Variants in MACROD2 observed in about 807,000 individuals in gnomAD.
MACROD2 encodes the protein ADP-ribose glycohydrolase MACROD2.
Under a neutral mutation model 70.4 loss-of-function variants are expected in MACROD2, and 36 were observed. The observed-to-expected ratio is 0.51, with a 90% CI of 0.39 to 0.68. The LOEUF is 0.68. Among genes scored for constraint, MACROD2 ranks in the 30% least tolerant of loss-of-function variants. The probability of loss-of-function intolerance (pLI) is 0.00; values close to 1 mark genes in which losing one functional copy is unlikely to be tolerated. For synonymous variants in MACROD2, 172 were observed against 178.8 expected, an observed-to-expected ratio of 0.96 and a Z score of 0.30; for missense variants, 496 against 538.4, an observed-to-expected ratio of 0.92 and a Z score of 0.78.
chr20:14,935,489 A>T (rs539324073), intron 5 of MACROD2: 1 of 152,284 alleles, frequency 6.6e-6, no homozygotes, highest in African/African-American at 2.4e-5. Flanking sequence ...ACCCTAATGT[A>T]GCCAGTGAAA....
chr20:14,362,804 G>C (rs2083234932), intron 3 of MACROD2, among the ~76,000 whole-genome samples: 1 of 152,168 alleles, frequency 6.6e-6, no homozygotes, highest in African/African-American at 2.4e-5. Context: ...ATATGTAAAT[G>C]TATACAGGGT....
intron 7 of MACROD2, among the ~76,000 whole-genome samples, chr20:15,475,964 CA>C (rs2047017070): frequency 6.6e-6 from 1 of 151,938 alleles, no homozygotes; most frequent in Non-Finnish European, 1.5e-5. Context: ...AAATATATTG[CA>C]AAAAAAGGAA....
intron 6 of MACROD2, among the ~76,000 whole-genome samples, chr20:15,417,326 C>T (rs2046166819): frequency 6.7e-6 from 1 of 149,842 alleles, no homozygotes; most frequent in Non-Finnish European, 1.5e-5. Context: ...TATGGGGGTT[C>T]ACGCTTGTAA....
intron 5 of MACROD2, among the ~76,000 whole-genome samples, chr20:15,031,798 C>T (rs1336334813): frequency 6.6e-6 from 1 of 152,108 alleles, no homozygotes; most frequent in Non-Finnish European, 1.5e-5. Flanking sequence ...GCCATGGACT[C>T]CACCCAGAAA....
chr20:14,396,506 T>C (rs111827239), intron 3 of MACROD2, among the ~76,000 whole-genome samples: 4 of 152,338 alleles, frequency 2.6e-5, no homozygotes, highest in African/African-American at 9.6e-5. Context: ...TCTACTTTTA[T>C]AGCCGTTCCG....
At chr20:14,031,740 C>G (rs550135317) in intron 2 of MACROD2, among the ~76,000 whole-genome samples, 1 of 152,084 alleles carries the variant, frequency 6.6e-6, no homozygotes, top group African/African-American at 2.4e-5. Context: ...GATAGCTTCT[C>G]CTTCCCTAAA....
Position 15,617,173 on chromosome 20 carries a change from C to T in MACROD2, c.645+117326C>T, listed in dbSNP as rs1005621692. On this transcript the variant is annotated intron_variant, in intron 8 of 17. Transcript: ENST00000684519. ...CTCTTTTTCCCTGTAGTTTTTCTCC[C>T]ATGTTTATCTATTGTTTCCTACGAA... 5.9e-5 allele frequency among the ~76,000 whole-genome samples: 9 copies of T among 151,966 alleles called. No homozygotes were observed. In the East Asian group the frequency reaches 9.6e-4, roughly 16 times the overall value.
At chr20:14,492,108 T>G (rs901257217) in intron 3 of MACROD2, among the ~76,000 whole-genome samples, 1 of 152,228 alleles carries the variant, frequency 6.6e-6, no homozygotes, top group African/African-American at 2.4e-5. Context: ...GCTACAAAGC[T>G]GGATTCAGGG....
chr20:14,393,262 A>T (rs528358864), intron 3 of MACROD2, among the ~76,000 whole-genome samples: 1 of 152,142 alleles, frequency 6.6e-6, no homozygotes, highest in Non-Finnish European at 1.5e-5. Context: ...AAGAATATTG[A>T]TATGGAGTCT....
chr20:14,941,252 T>C (rs2074386927), intron 5 of MACROD2, among the ~76,000 whole-genome samples: 2 of 152,248 alleles, frequency 1.3e-5, no homozygotes, highest in Admixed American at 1.3e-4. Flanking sequence ...ATTTTATTTA[T>C]TGGGTCTTCT....
chr20:15,936,498 A>G (rs1402140435), intron 11 of MACROD2, among the ~76,000 whole-genome samples: 2 of 148,332 alleles, frequency 1.3e-5, no homozygotes, highest in Non-Finnish European at 1.5e-5. Flanking sequence ...CATATGAACT[A>G]TATATATACT....
At chr20:14,490,259 A>G (rs1203103242) in intron 3 of MACROD2, among the ~76,000 whole-genome samples, 1 of 152,124 alleles carries the variant, frequency 6.6e-6, no homozygotes, top group Non-Finnish European at 1.5e-5. Context: ...AAATGTAACC[A>G]CTTGTTTAGG....
chr20:15,206,873 A>G (rs572444087), intron 5 of MACROD2, among the ~76,000 whole-genome samples: 16 of 151,082 alleles, frequency 1.1e-4, no homozygotes, highest in Non-Finnish European at 1.9e-4. Flanking sequence ...AGTAGCTGGG[A>G]CTACAGGCGC....
intron 7 of MACROD2, among the ~76,000 whole-genome samples, chr20:15,441,370 A>G (rs776007543): frequency 6.4e-4 from 98 of 152,300 alleles, no homozygotes; most frequent in Non-Finnish European, 1.2e-3. Context: ...TTCAGTGTAC[A>G]TAAAAATGGC....
intron 10 of MACROD2, among the ~76,000 whole-genome samples, chr20:15,932,296 G>C (rs2065592505): frequency 6.6e-6 from 1 of 152,092 alleles, no homozygotes; most frequent in African/African-American, 2.4e-5. Flanking sequence ...GGAGAAAGTA[G>C]AGGCTGCCAG....
intron 6 of MACROD2, among the ~76,000 whole-genome samples, chr20:15,230,513 T>C (rs175285): frequency 0.28 from 42,547 of 152,034 alleles, 6,161 homozygotes; most frequent in African/African-American, 0.33. Context: ...CTCATGCTAG[T>C]GTCAGACATG....
rs1314414395 is a variant in MACROD2, at chr20:15,933,334, T to A, written c.834T>A (p.Asp278Glu). The change falls in exon 11 of 18, where the codon GAT (aspartate) becomes GAA (glutamate). Residue 278 changes from aspartate (D) to glutamate (E), a missense_variant. Coordinates refer to ENST00000684519, the MANE Select transcript of MACROD2 (RefSeq NM_001351661.2). Reference sequence around the variant, plus strand: ...AAGAAATGGAAGAGCAGAGCCAAGATGCAGGTAGGCTCAGATTTCTTTTGA... The same window carrying A: ...AAGAAATGGAAGAGCAGAGCCAAGAAGCAGGTAGGCTCAGATTTCTTTTGA... ...SVEEMEEQSQ[D>E]ADGVNTVTVP... 1 of 1,613,066 alleles carries A rather than the reference T, an allele frequency of 6.2e-7. No individual in the cohort carries two copies. The highest frequency in any genetic ancestry group is 8.5e-7 in the Non-Finnish European group (1 of 1,179,444).
intron 8 of MACROD2, among the ~76,000 whole-genome samples, chr20:15,572,862 G>A (rs1389433294): frequency 2.6e-5 from 4 of 152,044 alleles, no homozygotes; most frequent in East Asian, 1.9e-4. Flanking sequence ...AACTTCATCT[G>A]AGGACCCTGT....
At chr20:15,656,583 G>A (rs1454479438) in intron 8 of MACROD2, among the ~76,000 whole-genome samples, 1 of 152,160 alleles carries the variant, frequency 6.6e-6, no homozygotes, top group Non-Finnish European at 1.5e-5. Flanking sequence ...AGTTGGAACT[G>A]CAGGCCCTTT....
Sources: allele counts gnomAD v4.1 joint callset (sites outside exome capture counted in the v4.1 genomes callset), GRCh38; gene constraint gnomAD v4.1.1; transcripts MANE v1.5; gene names NCBI Gene and HGNC (gene_info 2026-07-23, HGNC 2026-07-21).